The following RNLS variants were observed in gnomAD, a reference collection of about 807,000 sequenced individuals.
RNLS encodes the protein renalase, FAD dependent amine oxidase.
In RNLS, 39 loss-of-function variants were observed where a neutral mutation model predicts 39.8. That is an observed-to-expected ratio of 0.98 (90% CI 0.76 to 1.28). The LOEUF (loss-of-function observed/expected upper bound fraction) is 1.28. Ranked by LOEUF, RNLS falls within the 50% of genes most tolerant of loss-of-function variation. The probability of loss-of-function intolerance (pLI) is 0.00; values close to 1 mark genes in which losing one functional copy is unlikely to be tolerated. For missense variants in RNLS, 410 were observed against 413.3 expected (o/e 0.99, Z 0.07); for synonymous variants, 147 against 150.7 (o/e 0.98, Z 0.18).
intron 4 of RNLS, among the ~76,000 whole-genome samples, chr10:88,464,283 T>C (rs1460579111): frequency 6.6e-6 from 1 of 152,104 alleles, no homozygotes; most frequent in African/African-American, 2.4e-5. Context: ...GAGAAAAATA[T>C]TCCTTTATTT....
chr10:88,333,561 G>A (rs942277585), intron 5 of RNLS, among the ~76,000 whole-genome samples: 2 of 152,098 alleles, frequency 1.3e-5, no homozygotes, highest in African/African-American at 4.8e-5. Flanking sequence ...GCAGTTCATG[G>A]GGACCTACCT....
At chr10:88,529,121 A>G (rs1392499259) in intron 4 of RNLS, among the ~76,000 whole-genome samples, 2 of 152,070 alleles carry the variant, frequency 1.3e-5, no homozygotes, top group African/African-American at 2.4e-5. Context: ...CATTAGGATA[A>G]TTTTCTCTAA....
At chr10:88,442,499 C>T in intron 4 of RNLS, among the ~76,000 whole-genome samples, 1 of 152,162 alleles carries the variant, frequency 6.6e-6, no homozygotes, top group East Asian at 1.9e-4. Context: ...AACTCATTAC[C>T]TATTCTCTCC....
At chr10:88,258,783 C>CTCT in the RNLS span, among the ~76,000 whole-genome samples, 1 of 152,196 alleles carries the variant, frequency 6.6e-6, no homozygotes, top group Non-Finnish European at 1.5e-5. Flanking sequence ...TGCAGAGGAA[C>CTCT]TCTTACCTTA....
chr10:88,487,365 A>G (rs1217640743), intron 4 of RNLS, among the ~76,000 whole-genome samples: 2 of 151,638 alleles, frequency 1.3e-5, no homozygotes, highest in African/African-American at 2.4e-5. Flanking sequence ...AAGAAAAAAA[A>G]AGAGCTCTTA....
chr10:88,318,462 G>T (rs1845932834), intron 5 of RNLS, among the ~76,000 whole-genome samples: 1 of 152,224 alleles, frequency 6.6e-6, no homozygotes, highest in Non-Finnish European at 1.5e-5. Context: ...TTCTGGCTGG[G>T]GGCTGGTATA....
chr10:88,214,209 A>C, the RNLS span, among the ~76,000 whole-genome samples: 6 of 151,940 alleles, frequency 3.9e-5, no homozygotes, highest in African/African-American at 9.7e-5. Context: ...CAAAATCCTG[A>C]ATCTGCCTAT....
the RNLS span, among the ~76,000 whole-genome samples, chr10:88,203,317 T>A: frequency 1.9e-4 from 1 of 5,162 alleles, no homozygotes; most frequent in African/African-American, 9.9e-4. Flanking sequence ...TATATACGTA[T>A]GTATATATAT....
chr10:88,509,052 A>G (rs1845947368), intron 4 of RNLS, among the ~76,000 whole-genome samples: 1 of 151,998 alleles, frequency 6.6e-6, no homozygotes, highest in Non-Finnish European at 1.5e-5. Flanking sequence ...AAGATTGCCT[A>G]TGTAGGTCTC....
intron 4 of RNLS, among the ~76,000 whole-genome samples, chr10:88,566,440 G>T (rs1849507455): frequency 6.6e-6 from 1 of 152,010 alleles, no homozygotes; most frequent in Non-Finnish European, 1.5e-5. Flanking sequence ...ATTAACAAGA[G>T]ACATATGCAG....
At chr10:88,411,755 A>G (rs1417352734) in intron 4 of RNLS, among the ~76,000 whole-genome samples, 4 of 152,176 alleles carry the variant, frequency 2.6e-5, no homozygotes, top group African/African-American at 9.7e-5. Context: ...GAACCACTTC[A>G]GAGTGAGATC....
chr10:88,272,059 A>G (rs1842663531), downstream of RNLS, among the ~76,000 whole-genome samples: 1 of 152,204 alleles, frequency 6.6e-6, no homozygotes. Context: ...CAGTGAGTCA[A>G]ATTCCCAGAA....
intron 4 of RNLS, among the ~76,000 whole-genome samples, chr10:88,390,600 G>A (rs897256420): frequency 8.0e-6 from 1 of 125,030 alleles, no homozygotes; most frequent in African/African-American, 2.9e-5. Flanking sequence ...GAAACTTGGT[G>A]CACCTCAGAT....
chr10:88,180,801 A>G, the RNLS span, among the ~76,000 whole-genome samples: 1 of 152,156 alleles, frequency 6.6e-6, no homozygotes, highest in Admixed American at 6.6e-5. Context: ...GATTTTTTTC[A>G]CTCTACAAAA....
At chr10:88,572,713 T>TAAA (rs1849912505) in intron 4 of RNLS, among the ~76,000 whole-genome samples, 190 bp downstream of exon 4, 1 of 152,258 alleles carries the variant, frequency 6.6e-6, no homozygotes, top group East Asian at 1.9e-4. Context: ...TAACCAGCTT[T>TAAA]AAAAACATTC....
intron 6 of RNLS, among the ~76,000 whole-genome samples, chr10:88,275,894 C>CA (rs1308607436): frequency 3.3e-5 from 5 of 151,152 alleles, no homozygotes; most frequent in Non-Finnish European, 5.9e-5. Context: ...ATTAGAACAA[C>CA]AACAAAAAAA....
rs556500452 is a variant in RNLS, at chr10:88,295,062, T to G, written c.877-9556A>C. Among the ~76,000 whole-genome samples the G allele has an allele frequency of 1.5e-4, 23 of 152,302 alleles. No homozygotes were observed. In the South Asian group the frequency reaches 4.8e-3, roughly 32 times the overall value. On this transcript the variant is annotated intron_variant, in intron 6 of 6. Transcript: ENST00000331772. ...ATTCTGATTTAATTTAAAAAATTCTTTCTTAAAACAGTTGATTCTCCATGC... is the reference window on the plus strand; with the variant it reads ...ATTCTGATTTAATTTAAAAAATTCTGTCTTAAAACAGTTGATTCTCCATGC...
intron 4 of RNLS, among the ~76,000 whole-genome samples, chr10:88,529,847 C>A (rs1488667240): frequency 6.6e-6 from 1 of 152,158 alleles, no homozygotes; most frequent in Non-Finnish European, 1.5e-5. Flanking sequence ...CAAAATAGAT[C>A]TGAAGTCCTC....
intron 4 of RNLS, among the ~76,000 whole-genome samples, chr10:88,536,522 A>AAG (rs745389727): frequency 4.4e-4 from 67 of 152,126 alleles, no homozygotes; most frequent in Admixed American, 1.4e-3. Context: ...CTCATCTTAT[A>AAG]ATGTTCTACA....
Sources: allele counts gnomAD v4.1 joint callset (sites outside exome capture counted in the v4.1 genomes callset), GRCh38; gene constraint gnomAD v4.1.1; transcripts MANE v1.5; gene names NCBI Gene and HGNC (gene_info 2026-07-23, HGNC 2026-07-21).